The following ARHGAP15 variants were observed in gnomAD, a reference collection of about 807,000 sequenced individuals.
ARHGAP15 encodes the protein Rho GTPase activating protein 15.
A neutral mutation model predicts 63.7 loss-of-function variants in ARHGAP15; 51 were observed. The ratio of observed to expected loss-of-function variants is 0.80; its 90% CI spans 0.64 to 1.01. The LOEUF (loss-of-function observed/expected upper bound fraction) is 1.01, where lower values mean the gene tolerates loss of function less well. Ranked by LOEUF, ARHGAP15 falls within the 50% of genes least tolerant of loss-of-function variation. ARHGAP15 has a pLI of 0.00. For synonymous variants in ARHGAP15, 191 were observed against 193.8 expected, an observed-to-expected ratio of 0.99 and a Z score of 0.12; for missense variants, 560 against 564.6, an observed-to-expected ratio of 0.99 and a Z score of 0.08.
intron 10 of ARHGAP15, among the ~76,000 whole-genome samples, chr2:143,520,389 G>C (rs553591540): frequency 1.3e-5 from 2 of 152,266 alleles, no homozygotes; most frequent in South Asian, 4.1e-4. Context: ...TGTAAGGACA[G>C]CCTTGGGATC....
chr2:143,561,414 G>T (rs1559051630), intron 11 of ARHGAP15, among the ~76,000 whole-genome samples: 5 of 152,166 alleles, frequency 3.3e-5, no homozygotes, highest in Non-Finnish European at 1.5e-5. Flanking sequence ...TTCCAGATGG[G>T]TGTCTGTTAG....
intron 6 of ARHGAP15, among the ~76,000 whole-genome samples, chr2:143,417,138 C>A (rs541844023): frequency 6.6e-6 from 1 of 151,886 alleles, no homozygotes; most frequent in South Asian, 2.1e-4. Context: ...CAGAAAGATT[C>A]AACCTGGGTC....
intron 6 of ARHGAP15, among the ~76,000 whole-genome samples, chr2:143,411,668 A>G (rs1031515704): frequency 1.3e-5 from 2 of 152,212 alleles, no homozygotes; most frequent in African/African-American, 2.4e-5. Context: ...TTGACATACT[A>G]CTGTTTTAAG....
chr2:143,703,638 C>T, intron 13 of ARHGAP15, 114 bp downstream of exon 13: 1 of 750,776 alleles, frequency 1.3e-6, no homozygotes, highest in Non-Finnish European at 2.1e-6. Context: ...TCGTATTTTC[C>T]CTTGTAGCTG....
In ARHGAP15 at chr2:143,153,876, C is replaced by CTCCTCCTCCTCCTCCTCT. The variant is rs1453934132; in HGVS notation, c.-14-1584_-14-1583insTTCCTCCTCCTCCTCCTC. Among the ~76,000 whole-genome samples, 93 of 57,350 alleles carry CTCCTCCTCCTCCTCCTCT rather than the reference C, an allele frequency of 1.6e-3. 1 individual carries two copies. Among genetic ancestry groups the CTCCTCCTCCTCCTCCTCT allele is most frequent in the Middle Eastern group, 0.01 (1 of 96 alleles). The allele number at this position is 57,350 out of a possible 152,430, so 37.6% of individuals were successfully genotyped here. A position where few individuals can be genotyped will look rare whatever the true frequency, so the allele number is the denominator to read the frequency against. ...CCTCCTCCTCCTCCTCCTCCTCTTC[C>CTCCTCCTCCTCCTCCTCT]TCCTCCTCCTCCTCCTCCTCCTCCT... On this transcript the variant is annotated intron_variant, in intron 1 of 13. Transcript: ENST00000295095.
chr2:143,151,519 A>G (rs188166581), intron 1 of ARHGAP15, among the ~76,000 whole-genome samples: 1 of 152,094 alleles, frequency 6.6e-6, no homozygotes, highest in East Asian at 2.0e-4. Context: ...GGAAAGTCTG[A>G]CTGATATAAC....
intron 8 of ARHGAP15, among the ~76,000 whole-genome samples, chr2:143,445,971 A>T (rs1370400704): frequency 6.6e-6 from 1 of 152,008 alleles, no homozygotes; most frequent in Non-Finnish European, 1.5e-5. Context: ...CACAAAAGTT[A>T]TCAAAGTGTT....
At chr2:143,140,922 CT>C (rs1367316368) in intron 1 of ARHGAP15, among the ~76,000 whole-genome samples, 1 of 152,114 alleles carries the variant, frequency 6.6e-6, no homozygotes, top group Non-Finnish European at 1.5e-5. Flanking sequence ...TGGCATTGAG[CT>C]TTAGGTTTGA....
chr2:143,650,933 G>A (rs779644359), intron 12 of ARHGAP15, among the ~76,000 whole-genome samples: 2 of 151,818 alleles, frequency 1.3e-5, no homozygotes, highest in Non-Finnish European at 2.9e-5. Flanking sequence ...GTGCATTTTT[G>A]CTGTGCTAAA....
At chr2:143,187,127 T>C (rs192627574) in intron 2 of ARHGAP15, among the ~76,000 whole-genome samples, 19 of 152,224 alleles carry the variant, frequency 1.2e-4, no homozygotes, top group Admixed American at 9.8e-4. Context: ...AAGATAAACA[T>C]AGAGTTAGAT....
intron 13 of ARHGAP15, among the ~76,000 whole-genome samples, chr2:143,755,600 T>C (rs897247339): frequency 6.6e-6 from 1 of 152,180 alleles, no homozygotes; most frequent in Non-Finnish European, 1.5e-5. Flanking sequence ...CCTGCGCTCT[T>C]CCATTTAGAA....
At chr2:143,306,644 G>A (rs1334859807) in intron 6 of ARHGAP15, among the ~76,000 whole-genome samples, 1 of 152,068 alleles carries the variant, frequency 6.6e-6, no homozygotes, top group African/African-American at 2.4e-5. Context: ...AAGACCATTA[G>A]GGTTGTCCTT....
intron 9 of ARHGAP15, among the ~76,000 whole-genome samples, chr2:143,506,778 G>A (rs967822512): frequency 3.3e-5 from 5 of 152,088 alleles, no homozygotes; most frequent in African/African-American, 1.2e-4. Context: ...ACAATCTTTA[G>A]ATAGAAATCG....
At chr2:143,513,436 A>T (rs1381673799) in intron 9 of ARHGAP15, among the ~76,000 whole-genome samples, 1 of 152,176 alleles carries the variant, frequency 6.6e-6, no homozygotes, top group African/African-American at 2.4e-5. Context: ...ATCTCCACTT[A>T]TAACTAAGTA....
rs535229216 is a variant in ARHGAP15, at chr2:143,277,229, G to A, written c.474+26629G>A. Among the ~76,000 whole-genome samples, 16 of 151,924 alleles carry A rather than the reference G, an allele frequency of 1.1e-4. 1 individual carries two copies. In the South Asian group the frequency reaches 2.1e-3, roughly 20 times the overall value. ...TTTTCAAACAACAAGAAATAAAGTCGTTTATTTTTCATTTGTTGCACACTC... is the reference window on the plus strand; with the variant it reads ...TTTTCAAACAACAAGAAATAAAGTCATTTATTTTTCATTTGTTGCACACTC... On this transcript the variant is annotated intron_variant, in intron 6 of 13. Coordinates refer to ENST00000295095, the MANE Select transcript of ARHGAP15 (RefSeq NM_018460.4).
intron 6 of ARHGAP15, among the ~76,000 whole-genome samples, chr2:143,374,500 G>T (rs1269725007): frequency 2.0e-5 from 3 of 151,824 alleles, no homozygotes; most frequent in Admixed American, 1.3e-4. Context: ...TTGTTTTTTG[G>T]GGGGGTTTCT....
Position 143,535,048 on chromosome 2 carries a change from GAATA to G in ARHGAP15, c.925+15688_925+15691del, listed in dbSNP as rs1355418783. Among the ~76,000 whole-genome samples the G allele has an allele frequency of 5.3e-5, 8 of 151,936 alleles. No individual in the cohort carries two copies. The East Asian group carries it at 1.5e-3, about 29-fold the overall frequency. ...TCCTTATGATAGAAAATTACTATAA[GAATA>G]AATTATGTTAAAATAAATTGTGATT... On this transcript the variant is annotated intron_variant, in intron 10 of 13. Coordinates refer to ENST00000295095, the MANE Select transcript of ARHGAP15 (RefSeq NM_018460.4).
chr2:143,539,542 C>T (rs1035529111), intron 10 of ARHGAP15, among the ~76,000 whole-genome samples: 10 of 152,088 alleles, frequency 6.6e-5, no homozygotes, highest in Admixed American at 5.9e-4. Context: ...CCCCTACGCA[C>T]TGCTTTGAAT....
At chr2:143,213,473 A>G (rs1367878934) in intron 3 of ARHGAP15, among the ~76,000 whole-genome samples, 1 of 152,186 alleles carries the variant, frequency 6.6e-6, no homozygotes, top group Non-Finnish European at 1.5e-5. Flanking sequence ...AGATTGCGCC[A>G]TTGCACTCCA....
Sources: allele counts gnomAD v4.1 joint callset (sites outside exome capture counted in the v4.1 genomes callset), GRCh38; gene constraint gnomAD v4.1.1; transcripts MANE v1.5; gene names NCBI Gene and HGNC (gene_info 2026-07-23, HGNC 2026-07-21).